Variants in MITF observed in about 807,000 individuals in gnomAD.
MITF encodes the protein microphthalmia-associated transcription factor.
A neutral mutation model predicts 60.5 loss-of-function variants in MITF; 17 were observed. The observed-to-expected ratio is 0.28, with a 90% CI of 0.19 to 0.42. MITF has a LOEUF of 0.42. MITF is among the 10% of genes least tolerant of loss of function. The pLI, the probability that MITF is intolerant of heterozygous loss-of-function variation, is 1.00. For missense variants in MITF, 622 were observed against 683.5 expected, an observed-to-expected ratio of 0.91 and a Z score of 1.00; for synonymous variants, 260 against 248.5, an observed-to-expected ratio of 1.05 and a Z score of -0.43.
At position 69,767,211 on chromosome 3, in the gene MITF, A is replaced by T. The variant is rs548031836; in HGVS notation, c.104+27510A>T. 1.4e-4 allele frequency among the ~76,000 whole-genome samples: 22 copies of T among 152,292 alleles called. No individual in the cohort carries two copies. In the South Asian group the frequency reaches 4.6e-3, roughly 32 times the overall value. ...ACCTCCTGTATGCCAGCACTATGCT[A>T]CTGATAAATGGCCAGCCTGTAATTC... On this transcript the variant is annotated intron_variant, in intron 1 of 9. Transcript: ENST00000352241.
intron 1 of MITF, among the ~76,000 whole-genome samples, chr3:69,875,285 C>T (rs1008417536): frequency 6.6e-6 from 1 of 152,154 alleles, no homozygotes; most frequent in Non-Finnish European, 1.5e-5. Context: ...TGTCTCTCTG[C>T]CCATCGGCTT....
At chr3:69,927,847 T>C (rs762172412) in intron 2 of MITF, among the ~76,000 whole-genome samples, 1 of 152,226 alleles carries the variant, frequency 6.6e-6, no homozygotes. Context: ...GTGTCAATAG[T>C]GCTGAGGCTG....
chr3:69,787,492 A>G (rs2062669782), intron 1 of MITF, among the ~76,000 whole-genome samples: 1 of 152,206 alleles, frequency 6.6e-6, no homozygotes, highest in African/African-American at 2.4e-5. Flanking sequence ...TCTTAGTAGT[A>G]CAGGCTAGAC....
chr3:69,816,613 T>G (rs1179642747), intron 1 of MITF, among the ~76,000 whole-genome samples: 4 of 152,202 alleles, frequency 2.6e-5, no homozygotes, highest in African/African-American at 4.8e-5. Context: ...GGACTTCGGA[T>G]TTGGTTCCCA....
chr3:69,787,965 C>G (rs972640757), intron 1 of MITF, among the ~76,000 whole-genome samples: 2 of 152,090 alleles, frequency 1.3e-5, no homozygotes, highest in African/African-American at 4.8e-5. Context: ...TTATTCATCA[C>G]AGCAACCCTG....
At chr3:69,893,460 T>G (rs1209987209) in intron 2 of MITF, among the ~76,000 whole-genome samples, 2 of 152,112 alleles carry the variant, frequency 1.3e-5, no homozygotes, top group African/African-American at 4.8e-5. Context: ...TAAAGGTCCC[T>G]AGCTCATAAG....
chr3:69,827,502 G>A (rs1056260841), intron 1 of MITF, among the ~76,000 whole-genome samples: 12 of 152,144 alleles, frequency 7.9e-5, no homozygotes, highest in Non-Finnish European at 1.3e-4. Flanking sequence ...GTGGCTCTTA[G>A]AACTTCTGCT....
chr3:69,799,536 C>T lies in MITF; in HGVS notation c.104+59835C>T, dbSNP rs532824112. Among the ~76,000 whole-genome samples the T allele has an allele frequency of 1.4e-4, 22 of 152,230 alleles. No homozygotes were observed. In the South Asian group the frequency reaches 3.5e-3, roughly 24 times the overall value. The stretch of plus-strand genomic sequence containing the variant: ...TGCCACGTCTATCTGTTTACATGGA[C>T]AAAGTTATACACCCAAAACGGGCAA... On this transcript the variant is annotated intron_variant, in intron 1 of 9. Transcript: ENST00000352241.
chr3:69,760,127 C>T (rs2062191250), intron 1 of MITF, among the ~76,000 whole-genome samples: 1 of 152,210 alleles, frequency 6.6e-6, no homozygotes, highest in Non-Finnish European at 1.5e-5. Flanking sequence ...TGGCCCATCA[C>T]TTCCAGATCT....
At chr3:69,948,412 T>TA (rs1157268390) in intron 5 of MITF, among the ~76,000 whole-genome samples, 1 of 151,678 alleles carries the variant, frequency 6.6e-6, no homozygotes, top group Non-Finnish European at 1.5e-5. Context: ...TTTTTTTTTT[T>TA]ATTATTATTC....
At chr3:69,795,351 A>C (rs534551496) in intron 1 of MITF, among the ~76,000 whole-genome samples, 47 of 152,380 alleles carry the variant, frequency 3.1e-4, no homozygotes, top group African/African-American at 1.1e-3. Flanking sequence ...TTTAAAAAAC[A>C]TATAGAAAAT....
At chr3:69,856,929 T>G (rs2063928030) in intron 1 of MITF, among the ~76,000 whole-genome samples, 1 of 152,282 alleles carries the variant, frequency 6.6e-6, no homozygotes, top group South Asian at 2.1e-4. Flanking sequence ...CTCTGTTTTT[T>G]TGTGTGTGTT....
chr3:69,929,484 C>G (rs1366344566), intron 2 of MITF, among the ~76,000 whole-genome samples: 2 of 152,080 alleles, frequency 1.3e-5, no homozygotes. Flanking sequence ...ACACCATACC[C>G]AGAGATTCTG....
intron 1 of MITF, among the ~76,000 whole-genome samples, chr3:69,864,462 C>T (rs565061724): frequency 4.6e-5 from 7 of 152,182 alleles, no homozygotes; most frequent in Admixed American, 2.0e-4. Flanking sequence ...CTTAGTTTTA[C>T]GAGCAATCTG....
chr3:69,803,813 T>C (rs1457284557), intron 1 of MITF, among the ~76,000 whole-genome samples: 2 of 152,038 alleles, frequency 1.3e-5, no homozygotes, highest in East Asian at 3.9e-4. Flanking sequence ...ATTGATCTAA[T>C]AACTCATGTT....
At chr3:69,931,213 T>G (rs1211997938) in intron 2 of MITF, among the ~76,000 whole-genome samples, 1 of 152,204 alleles carries the variant, frequency 6.6e-6, no homozygotes, top group East Asian at 1.9e-4. Context: ...TCTTTATATT[T>G]TAAAACATCG....
intron 1 of MITF, among the ~76,000 whole-genome samples, chr3:69,796,722 G>A (rs1391541831): frequency 6.6e-6 from 1 of 151,380 alleles, no homozygotes; most frequent in Non-Finnish European, 1.5e-5. Flanking sequence ...TAGCCAGGAT[G>A]GTCTCGATCT....
intron 1 of MITF, among the ~76,000 whole-genome samples, chr3:69,804,830 G>A (rs909797143): frequency 5.9e-5 from 9 of 152,198 alleles, no homozygotes; most frequent in Non-Finnish European, 1.0e-4. Context: ...GCGTGATGAC[G>A]TCTCTAGACT....
intron 1 of MITF, among the ~76,000 whole-genome samples, chr3:69,842,940 G>T: frequency 6.6e-6 from 1 of 152,120 alleles, no homozygotes; most frequent in East Asian, 1.9e-4. Context: ...GAGAGTTTCG[G>T]TCCTACCTAC....
Sources: allele counts gnomAD v4.1 joint callset (sites outside exome capture counted in the v4.1 genomes callset), GRCh38; gene constraint gnomAD v4.1.1; transcripts MANE v1.5; gene names NCBI Gene and HGNC (gene_info 2026-07-23, HGNC 2026-07-21).